Variants in FRMD4B observed in about 807,000 individuals in gnomAD.
FRMD4B encodes the protein FERM domain containing 4B.
A neutral mutation model predicts 141.5 loss-of-function variants in FRMD4B; 74 were observed. The observed-to-expected ratio is 0.52, with a 90% CI of 0.43 to 0.63. The LOEUF is 0.63. Ranked by LOEUF, FRMD4B falls within the 30% of genes least tolerant of loss-of-function variation. FRMD4B has a pLI of 0.00. For missense variants in FRMD4B, 1,366 were observed against 1,253.4 expected, an observed-to-expected ratio of 1.09 and a Z score of -1.36; for synonymous variants, 506 against 467.9, an observed-to-expected ratio of 1.08 and a Z score of -1.05.
intron 1 of FRMD4B, among the ~76,000 whole-genome samples, chr3:69,467,616 T>C (rs545651118): frequency 6.6e-6 from 1 of 152,298 alleles, no homozygotes; most frequent in South Asian, 2.1e-4. Context: ...ATCTGTAACA[T>C]GGGTTAATAA....
chr3:69,241,029 G>A (rs952588319), intron 7 of FRMD4B, among the ~76,000 whole-genome samples: 4 of 152,196 alleles, frequency 2.6e-5, no homozygotes, highest in Non-Finnish European at 5.9e-5. Context: ...TATGATGGGT[G>A]TAACGGCCTG....
At chr3:69,225,353 G>C (rs1014120925) in intron 7 of FRMD4B, among the ~76,000 whole-genome samples, 5 of 151,916 alleles carry the variant, frequency 3.3e-5, no homozygotes, top group African/African-American at 1.2e-4. Context: ...GTTGTCAAGA[G>C]AAAGTTGTGG....
intron 2 of FRMD4B, among the ~76,000 whole-genome samples, chr3:69,427,416 A>C (rs533082640): frequency 4.0e-5 from 6 of 150,388 alleles, no homozygotes; most frequent in African/African-American, 1.5e-4. Context: ...AGCATTTTCT[A>C]AATCTGTTTG....
At chr3:69,217,636 A>G (rs576418915) in intron 10 of FRMD4B, among the ~76,000 whole-genome samples, 40 of 152,310 alleles carry the variant, frequency 2.6e-4, no homozygotes, top group African/African-American at 9.4e-4. Flanking sequence ...ACAAACAACA[A>G]AAAAAGTTAA....
chr3:69,229,030 T>TG (rs779568948), intron 7 of FRMD4B, among the ~76,000 whole-genome samples: 432 of 148,712 alleles, frequency 2.9e-3, no homozygotes, highest in Non-Finnish European at 5.2e-3. Flanking sequence ...TTTTTTTTTT[T>TG]TTGTTTTGTT....
intron 1 of FRMD4B, among the ~76,000 whole-genome samples, chr3:69,360,702 T>C (rs539761219): frequency 5.3e-4 from 81 of 152,352 alleles, no homozygotes; most frequent in Non-Finnish European, 8.1e-4. Context: ...TAAATGTTCC[T>C]CTGTTTACCA....
At chr3:69,524,586 G>C (rs1700904942) in intron 1 of FRMD4B, among the ~76,000 whole-genome samples, 2 of 152,204 alleles carry the variant, frequency 1.3e-5, no homozygotes, top group African/African-American at 4.8e-5. Context: ...GGGTAATACA[G>C]CTCTGCTCCA....
chr3:69,425,346 T>G (rs1200594036), intron 2 of FRMD4B, among the ~76,000 whole-genome samples: 1 of 152,186 alleles, frequency 6.6e-6, no homozygotes, highest in Admixed American at 6.6e-5. Flanking sequence ...AAGTGGAACT[T>G]GCTGCTCATT....
At chr3:69,315,607 A>C (rs767321633) in intron 1 of FRMD4B, among the ~76,000 whole-genome samples, 10 of 152,210 alleles carry the variant, frequency 6.6e-5, no homozygotes, top group Admixed American at 1.3e-4. Flanking sequence ...TGCTTTTTAA[A>C]TTCAATGATT....
At chr3:69,529,319 A>G (rs1165860134) in intron 1 of FRMD4B, among the ~76,000 whole-genome samples, 1 of 152,226 alleles carries the variant, frequency 6.6e-6, no homozygotes, top group African/African-American at 2.4e-5. Flanking sequence ...AAAACAGTCT[A>G]GGGAATAACC....
intron 1 of FRMD4B, among the ~76,000 whole-genome samples, chr3:69,343,496 CCT>C (rs1455707835): frequency 1.3e-5 from 2 of 151,946 alleles, no homozygotes; most frequent in Non-Finnish European, 2.9e-5. Flanking sequence ...TGGATATACC[CCT>C]GTCAATTTAA....
At chr3:69,371,513 C>T (rs1559834769) in intron 1 of FRMD4B, among the ~76,000 whole-genome samples, 1 of 152,100 alleles carries the variant, frequency 6.6e-6, no homozygotes, top group South Asian at 2.1e-4. Context: ...TGAACAAAAT[C>T]GCACTGGAGG....
At chr3:69,363,625 G>A (rs1019092781) in intron 1 of FRMD4B, among the ~76,000 whole-genome samples, 2 of 152,096 alleles carry the variant, frequency 1.3e-5, no homozygotes, top group East Asian at 1.9e-4. Flanking sequence ...TCCTGACCTC[G>A]TGATCCGCCT....
chr3:69,322,590 CTCTCTTTT>C (rs1358532670), intron 1 of FRMD4B, among the ~76,000 whole-genome samples: 3 of 134,540 alleles, frequency 2.2e-5, no homozygotes, highest in African/African-American at 2.7e-5. Context: ...ATTTTTCTCT[CTCTCTTTT>C]TTTTTTTTTT....
intron 1 of FRMD4B, among the ~76,000 whole-genome samples, chr3:69,497,785 A>G (rs1008526110): frequency 6.6e-5 from 10 of 152,088 alleles, no homozygotes; most frequent in African/African-American, 1.7e-4. Flanking sequence ...CACAGGTACA[A>G]TCATGGTGCA....
chr3:69,311,344 G>C lies in FRMD4B; in HGVS notation c.242C>G (p.Ala81Gly). The change falls in exon 3 of 23, where the codon GCA becomes GGA. Residue 81 changes from alanine to glycine, a missense_variant. Ala to Gly is a moderately conservative substitution (Grantham distance 60). Transcript: ENST00000398540. ...AGCCACTAGGTCCAGCAACTCTCTT[G>C]CTAGAAGTTTGGGCTGTCAAAATAA... ...LELLVQPKLL[A>G]RELLDLVASH... The C allele has an allele frequency of 6.3e-7, 1 of 1,596,060 alleles. No homozygotes were observed. Among genetic ancestry groups the C allele is most frequent in the Non-Finnish European group, 8.6e-7 (1 of 1,164,686 alleles).
At chr3:69,536,450 T>C in intron 1 of FRMD4B, 7 of 704,826 alleles carry the variant, frequency 9.9e-6, no homozygotes, top group Non-Finnish European at 1.8e-5. Flanking sequence ...GTTGGGTACT[T>C]GTGCAGGATG....
chr3:69,426,689 TGAGAG>T (rs1043916026), intron 2 of FRMD4B, among the ~76,000 whole-genome samples: 2 of 152,200 alleles, frequency 1.3e-5, no homozygotes, highest in African/African-American at 4.8e-5. Flanking sequence ...CAGCTAGGAC[TGAGAG>T]GAAAGATCAC....
chr3:69,263,177 A>G (rs2093538897), intron 5 of FRMD4B, among the ~76,000 whole-genome samples: 1 of 152,070 alleles, frequency 6.6e-6, no homozygotes, highest in Non-Finnish European at 1.5e-5. Context: ...GAACTGCTTG[A>G]ACCCGGGAGG....
Sources: allele counts gnomAD v4.1 joint callset (sites outside exome capture counted in the v4.1 genomes callset), GRCh38; gene constraint gnomAD v4.1.1; transcripts MANE v1.5; gene names NCBI Gene and HGNC (gene_info 2026-07-23, HGNC 2026-07-21).